The following SPATA7 variants were observed in gnomAD, a reference collection of about 807,000 sequenced individuals.
SPATA7 encodes the protein spermatogenesis associated 7.
A neutral mutation model predicts 51.8 loss-of-function variants in SPATA7; 43 were observed. That is an observed-to-expected ratio of 0.83 (90% CI 0.65 to 1.07). SPATA7 has a LOEUF of 1.07. Among genes scored for constraint, SPATA7 ranks in the 50% least tolerant of loss-of-function variants. The probability of loss-of-function intolerance (pLI) is 0.00; values close to 1 mark genes in which losing one functional copy is unlikely to be tolerated. For missense variants in SPATA7, 683 were observed against 701.3 expected, an observed-to-expected ratio of 0.97 and a Z score of 0.30; for synonymous variants, 230 against 252.8, an observed-to-expected ratio of 0.91 and a Z score of 0.86.
chr14:88,463,314 T>C (rs1312233918), intron 4 of SPATA7, among the ~76,000 whole-genome samples: 2 of 152,198 alleles, frequency 1.3e-5, no homozygotes, highest in African/African-American at 4.8e-5. Context: ...AGATCCCTGC[T>C]CACATTATAA....
At chr14:88,467,087 G>C (rs1391340950) in intron 4 of SPATA7, 1 of 152,154 alleles carries the variant, frequency 6.6e-6, no homozygotes, top group Non-Finnish European at 1.5e-5. Flanking sequence ...ACCTCAGTCT[G>C]AGTATAGATA....
chr14:88,398,596 A>G (rs573353034), intron 4 of SPATA7, among the ~76,000 whole-genome samples: 2 of 151,322 alleles, frequency 1.3e-5, no homozygotes, highest in African/African-American at 4.8e-5. Flanking sequence ...AACCTGCACA[A>G]TGTGCACATG....
At chr14:88,433,889 A>G (rs2077005150) in intron 10 of SPATA7, among the ~76,000 whole-genome samples, 1 of 152,186 alleles carries the variant, frequency 6.6e-6, no homozygotes, top group African/African-American at 2.4e-5. Context: ...ATTAAAGCAA[A>G]CATTTTCATT....
At chr14:88,422,009 TAAG>T (rs34782156) in intron 5 of SPATA7, among the ~76,000 whole-genome samples, 2,235 of 150,276 alleles carry the variant, frequency 0.015, 50 homozygotes, top group African/African-American at 0.048. Flanking sequence ...ATGTGAAGAG[TAAG>T]AAGCAGGAGT....
At chr14:88,456,837 C>T (rs150651643), downstream of SPATA7, among the ~76,000 whole-genome samples, 1,151 of 152,214 alleles carry the variant, frequency 7.6e-3, 14 homozygotes, top group African/African-American at 0.027. Context: ...AGGTTTTCTT[C>T]TAGGGTTTTT....
chr14:88,409,684 G>C (rs890252069), intron 4 of SPATA7, among the ~76,000 whole-genome samples: 2 of 151,932 alleles, frequency 1.3e-5, no homozygotes, highest in Non-Finnish European at 2.9e-5. Context: ...GTGATGTTAG[G>C]GTGTCGATTT....
At chr14:88,460,676 A>C (rs956405919) in intron 4 of SPATA7, among the ~76,000 whole-genome samples, 2 of 152,140 alleles carry the variant, frequency 1.3e-5, no homozygotes. Context: ...AGCTCAGAGA[A>C]GTTTGATCGT....
At chr14:88,419,780 C>T (rs577844654) in intron 5 of SPATA7, among the ~76,000 whole-genome samples, 1 of 152,096 alleles carries the variant, frequency 6.6e-6, no homozygotes, top group Admixed American at 6.5e-5. Flanking sequence ...CTGCCTCGGC[C>T]TCCCAAAGTG....
At chr14:88,409,966 G>C (rs1024859266) in intron 4 of SPATA7, among the ~76,000 whole-genome samples, 8 of 152,154 alleles carry the variant, frequency 5.3e-5, no homozygotes, top group African/African-American at 1.4e-4. Context: ...TGTTTGTTAT[G>C]ATTTCCGTTC....
chr14:88,433,633 C>T (rs562453753), intron 10 of SPATA7, among the ~76,000 whole-genome samples: 553 of 152,160 alleles, frequency 3.6e-3, no homozygotes, highest in Admixed American at 6.0e-3. Flanking sequence ...TAGGTTTGCA[C>T]GCTGTAAGTT....
At chr14:88,426,115 C>A in intron 5 of SPATA7, 117 bp from the exon 6 acceptor site, 1 of 736,398 alleles carries the variant, frequency 1.4e-6, no homozygotes, top group African/African-American at 1.8e-5. Flanking sequence ...TCTTCAGGAA[C>A]ATATCAGTTA....
At chr14:88,424,104 C>CA (rs1169813440) in intron 5 of SPATA7, among the ~76,000 whole-genome samples, 1 of 152,148 alleles carries the variant, frequency 6.6e-6, no homozygotes, top group African/African-American at 2.4e-5. Context: ...AGGGTACCAC[C>CA]AGACTCTTTG....
intron 1 of SPATA7, chr14:88,386,074 C>G: frequency 7.1e-7 from 1 of 1,405,968 alleles, no homozygotes; most frequent in Non-Finnish European, 9.3e-7. Flanking sequence ...ACACCAGGGG[C>G]CCCTGTCTCC....
intron 5 of SPATA7, among the ~76,000 whole-genome samples, chr14:88,422,834 T>C (rs1252981778): frequency 1.3e-5 from 2 of 152,040 alleles, no homozygotes; most frequent in South Asian, 2.1e-4. Context: ...ACTCAGATTG[T>C]CTTAAGAGCC....
intron 5 of SPATA7, among the ~76,000 whole-genome samples, chr14:88,421,742 A>G (rs888620611): frequency 6.6e-6 from 1 of 152,108 alleles, no homozygotes; most frequent in African/African-American, 2.4e-5. Flanking sequence ...CAAGGTCAGG[A>G]GTTCGAGACC....
chr14:88,434,687 G>GAAAAA (rs552414869), intron 10 of SPATA7, among the ~76,000 whole-genome samples: 1 of 56,948 alleles, frequency 1.8e-5, no homozygotes, highest in African/African-American at 6.4e-5. Context: ...CTCTGTCTCA[G>GAAAAA]AAAAAAAAAA....
Position 88,433,167 on chromosome 14 carries a change from A to G in SPATA7, c.1115A>G (p.Glu372Gly). ...GAACTGTTGTATCTGAGTTTCATTGAAGATGTAACAGATGAAATTTTGAAA... is the reference window on the plus strand; with the variant it reads ...GAACTGTTGTATCTGAGTTTCATTGGAGATGTAACAGATGAAATTTTGAAA... ...EEELLYLSFI[E>G]DVTDEILKLG... Residue 372 changes from glutamate to glycine, a missense_variant, in exon 10 of 12, where the codon GAA (glutamate) becomes GGA (glycine). Glu to Gly is a moderately conservative substitution (Grantham distance 98). Coordinates refer to ENST00000393545, the MANE Select transcript of SPATA7 (RefSeq NM_018418.5). The G allele has an allele frequency of 1.2e-6, 2 of 1,611,904 alleles. No individual in the cohort carries two copies. The highest frequency in any genetic ancestry group is 1.7e-6 in the Non-Finnish European group (2 of 1,179,420).
chr14:88,432,813 CA>C (rs2076975821), intron 9 of SPATA7: 1 of 219,162 alleles, frequency 4.6e-6, no homozygotes, highest in African/African-American at 2.3e-5. Context: ...TGCTTGCTCC[CA>C]GTGGATTGCA....
chr14:88,449,120 G>T (rs1044117905), intron 3 of SPATA7, among the ~76,000 whole-genome samples: 1 of 151,946 alleles, frequency 6.6e-6, no homozygotes, highest in African/African-American at 2.4e-5. Context: ...GGGTTTGGTT[G>T]ATTCTTGTTT....
Sources: gnomAD v4.1 joint callset for allele counts (sites outside exome capture counted in the v4.1 genomes callset) on GRCh38, gnomAD v4.1.1 for gene constraint, MANE v1.5 for transcripts, NCBI Gene and HGNC (gene_info 2026-07-23, HGNC 2026-07-21) for gene names.